STK3: variants seen among roughly 807,000 people sequenced by gnomAD.
STK3 encodes the protein serine/threonine-protein kinase 3.
Under a neutral mutation model 58.0 loss-of-function variants are expected in STK3, and 41 were observed. The ratio of observed to expected loss-of-function variants is 0.71; its 90% confidence interval spans 0.55 to 0.92. STK3 has a LOEUF of 0.92. Ranked by LOEUF, STK3 falls within the 40% of genes least tolerant of loss-of-function variation. The pLI is 0.00. For missense variants in STK3, 479 were observed against 602.7 expected, an observed-to-expected ratio of 0.79 and a Z score of 2.15; for synonymous variants, 170 against 191.0, an observed-to-expected ratio of 0.89 and a Z score of 0.91.
rs148589093 is a variant in STK3 at position 98,517,172 on chromosome 8, C to T, written c.1317+9570G>A. 4.5e-3 allele frequency among the ~76,000 whole-genome samples: 681 copies of T among 152,126 alleles called. 3 individuals carry two copies. Among genetic ancestry groups the T allele is most frequent in the African/African-American group, 0.016 (657 of 41,536 alleles). On this transcript the variant is annotated intron_variant, in intron 10 of 10. Transcript: ENST00000419617. ...ATGAGAAACAACATTAGTTTGAATG[C>T]CCCTATCACTCATTTATCTCCTTAA...
At chr8:98,463,574 A>G (rs1249638783) in intron 10 of STK3, among the ~76,000 whole-genome samples, 4 of 152,140 alleles carry the variant, frequency 2.6e-5, no homozygotes, top group Admixed American at 1.3e-4. Flanking sequence ...AGAAGTATTG[A>G]AAGTCTGCTT....
At chr8:98,667,101 T>C (rs1822424142) in intron 6 of STK3, among the ~76,000 whole-genome samples, 1 of 152,300 alleles carries the variant, frequency 6.6e-6, no homozygotes, top group Middle Eastern at 3.4e-3. Context: ...TTTCTAATTA[T>C]AATTCTAATA....
intron 6 of STK3, among the ~76,000 whole-genome samples, chr8:98,604,067 C>T (rs1816581012): frequency 6.6e-6 from 1 of 152,102 alleles, no homozygotes; most frequent in South Asian, 2.1e-4. Flanking sequence ...TAATGGTCTG[C>T]TTTGAAGCAG....
intron 10 of STK3, among the ~76,000 whole-genome samples, chr8:98,517,093 T>C (rs1385873386): frequency 6.6e-6 from 1 of 152,086 alleles, no homozygotes; most frequent in Admixed American, 6.6e-5. Context: ...CATGTAAATG[T>C]GTCTTCAAAA....
chr8:98,491,837 A>C, intron 10 of STK3, among the ~76,000 whole-genome samples: 1 of 152,180 alleles, frequency 6.6e-6, no homozygotes, highest in Non-Finnish European at 1.5e-5. Context: ...AGCTACAAAA[A>C]GAAAACCTTT....
At chr8:98,650,978 G>A (rs948902035) in intron 6 of STK3, among the ~76,000 whole-genome samples, 2 of 152,242 alleles carry the variant, frequency 1.3e-5, no homozygotes, top group Non-Finnish European at 2.9e-5. Context: ...GAACAGCTTT[G>A]AAGACAGCAG....
At chr8:98,717,202 C>A (rs1341316020) in intron 4 of STK3, among the ~76,000 whole-genome samples, 2 of 150,252 alleles carry the variant, frequency 1.3e-5, no homozygotes, top group Non-Finnish European at 1.5e-5. Context: ...AAAAAAAAAA[C>A]CTGTGCATCC....
intron 10 of STK3, among the ~76,000 whole-genome samples, chr8:98,504,611 C>T (rs529521716): frequency 3.2e-4 from 48 of 152,258 alleles, no homozygotes; most frequent in African/African-American, 1.2e-3. Flanking sequence ...TCAGCATTTG[C>T]TTGTTTGTAA....
intron 10 of STK3, among the ~76,000 whole-genome samples, chr8:98,475,884 C>T (rs1821270033): frequency 1.3e-5 from 2 of 152,214 alleles, no homozygotes; most frequent in Admixed American, 1.3e-4. Context: ...TCTCAGCTCA[C>T]CCACAAGCAG....
chr8:98,638,637 T>C (rs1453725602), intron 6 of STK3: 2 of 152,252 alleles, frequency 1.3e-5, no homozygotes, highest in Non-Finnish European at 2.9e-5. Context: ...GGTTAGCTTG[T>C]GACCAAGGTG....
chr8:98,724,584 G>A (rs1251606788), intron 4 of STK3, among the ~76,000 whole-genome samples: 1 of 152,140 alleles, frequency 6.6e-6, no homozygotes, highest in Non-Finnish European at 1.5e-5. Context: ...CTTTTAGGAA[G>A]AAAACTCTGA....
At chr8:98,640,528 A>T (rs931977751) in intron 6 of STK3, among the ~76,000 whole-genome samples, 1 of 152,194 alleles carries the variant, frequency 6.6e-6, no homozygotes, top group African/African-American at 2.4e-5. Flanking sequence ...TTTTATTCTC[A>T]ATCTATTTTA....
chr8:98,764,954 T>C (rs945804058), intron 3 of STK3, among the ~76,000 whole-genome samples: 20 of 152,274 alleles, frequency 1.3e-4, no homozygotes, highest in African/African-American at 4.8e-4. Flanking sequence ...TTGATTACAT[T>C]TGCATTTTGG....
Position 98,667,807 on chromosome 8 carries a change from C to T in STK3, c.684+38660G>A, listed in dbSNP as rs556339845. Among the ~76,000 whole-genome samples, 108 of 152,060 alleles carry T rather than the reference C, an allele frequency of 7.1e-4. 1 individual carries two copies. The highest frequency in any genetic ancestry group is 2.6e-3 in the African/African-American group (107 of 41,550). On this transcript the variant is annotated intron_variant, in intron 6 of 10. Transcript: ENST00000419617. ...GACAATCATAACTTTTCCTCATAAA[C>T]TTAATTGAACTACAATCTTCAATGT...
In STK3 at chr8:98,387,184, T is replaced by C. The variant is rs141916136; in HGVS notation, n.56+1008A>G. Among the ~76,000 whole-genome samples the C allele has an allele frequency of 6.6e-5, 10 of 152,282 alleles. No individual in the cohort carries two copies. The East Asian group carries it at 1.9e-3, about 29-fold the overall frequency. On this transcript the variant is annotated intron_variant and non_coding_transcript_variant, in intron 1 of 2. Transcript: ENST00000518704. ...GATATGACATAAAGATTAAAAAAAA[T>C]CTTGCATAGAAATACAAAGCGGTTT...
chr8:98,683,013 T>A (rs1366332971), intron 6 of STK3, among the ~76,000 whole-genome samples: 1 of 152,040 alleles, frequency 6.6e-6, no homozygotes, highest in Non-Finnish European at 1.5e-5. Context: ...CAATTGCTTT[T>A]AAGATATATA....
chr8:98,488,586 AC>A (rs1822451248), intron 10 of STK3, among the ~76,000 whole-genome samples: 1 of 152,212 alleles, frequency 6.6e-6, no homozygotes, highest in African/African-American at 2.4e-5. Context: ...AGGCACTGCA[AC>A]TAATTTCCCG....
intron 6 of STK3, among the ~76,000 whole-genome samples, chr8:98,696,266 TG>T (rs1240645278): frequency 6.6e-6 from 1 of 152,192 alleles, no homozygotes; most frequent in Non-Finnish European, 1.5e-5. Flanking sequence ...GCTGAGACAA[TG>T]GGGTTTTCTA....
At chr8:98,436,388 G>A (rs1281587225) in intron 2 of STK3, among the ~76,000 whole-genome samples, 1 of 152,074 alleles carries the variant, frequency 6.6e-6, no homozygotes, top group Non-Finnish European at 1.5e-5. Flanking sequence ...TCACCCATGT[G>A]CATTGGCATT....
Sources: gnomAD v4.1 joint callset for allele counts (sites outside exome capture counted in the v4.1 genomes callset) on GRCh38, gnomAD v4.1.1 for gene constraint, MANE v1.5 for transcripts, NCBI Gene and HGNC (gene_info 2026-07-23, HGNC 2026-07-21) for gene names.